The following ATP8B4 variants were observed in gnomAD, a reference collection of about 807,000 sequenced individuals.
The protein encoded by ATP8B4 is probable phospholipid-transporting ATPase IM.
A neutral mutation model predicts 145.6 loss-of-function variants in ATP8B4; 133 were observed. The observed-to-expected ratio is 0.91, with a 90% CI of 0.79 to 1.05. ATP8B4 has a LOEUF of 1.05. ATP8B4 is among the 50% of genes least tolerant of loss of function. The pLI, the probability that ATP8B4 is intolerant of heterozygous loss-of-function variation, is 0.00. For synonymous variants in ATP8B4, 507 were observed against 492.9 expected (o/e 1.03, Z -0.38); for missense variants, 1,458 against 1,425.2 (o/e 1.02, Z -0.37).
At chr15:50,030,742 T>C (rs1408490923) in intron 6 of ATP8B4, among the ~76,000 whole-genome samples, 2 of 152,180 alleles carry the variant, frequency 1.3e-5, no homozygotes, top group Admixed American at 1.3e-4. Flanking sequence ...CTGGGTCACA[T>C]AAACTTTAAA....
chr15:49,878,612 G>A (rs2034876530), intron 24 of ATP8B4, among the ~76,000 whole-genome samples: 1 of 152,242 alleles, frequency 6.6e-6, no homozygotes, highest in Non-Finnish European at 1.5e-5. Context: ...TTCCCCACAG[G>A]CAGCCAGACT....
At chr15:49,909,333 G>T (rs904130213) in intron 20 of ATP8B4, among the ~76,000 whole-genome samples, 3 of 152,142 alleles carry the variant, frequency 2.0e-5, no homozygotes, top group African/African-American at 7.2e-5. Flanking sequence ...TGGACCTGGG[G>T]AATGGCCTGA....
Position 49,864,542 on chromosome 15 carries a change from CCT to C in ATP8B4, c.3166+1802_3166+1803del, listed in dbSNP as rs550724394. Reference sequence around the variant, plus strand: ...ACCTCTGAGAAAGTATATTAATATCCCTCTTTTATAAAGCTCAGTGGCCTTTG... The same window carrying C: ...ACCTCTGAGAAAGTATATTAATATCCCTTTTATAAAGCTCAGTGGCCTTTG... On this transcript the variant is annotated intron_variant, in intron 26 of 27. Transcript: ENST00000284509. Among the ~76,000 whole-genome samples the C allele has an allele frequency of 1.5e-3, 231 of 152,182 alleles. 1 individual carries two copies. Among genetic ancestry groups the C allele is most frequent in the African/African-American group, 5.5e-3 (227 of 41,504 alleles).
chr15:49,965,072 A>G (rs1394234123), intron 13 of ATP8B4, among the ~76,000 whole-genome samples: 1 of 152,240 alleles, frequency 6.6e-6, no homozygotes, highest in Non-Finnish European at 1.5e-5. Context: ...TGATACTGAT[A>G]TAAGATTAAT....
At chr15:50,101,298 T>A (rs540894985) in intron 2 of ATP8B4, among the ~76,000 whole-genome samples, 1 of 152,150 alleles carries the variant, frequency 6.6e-6, no homozygotes, top group East Asian at 1.9e-4. Flanking sequence ...GCTGAAGTAT[T>A]TGGGGTAAGT....
intron 13 of ATP8B4, 91 bp downstream of exon 13, chr15:49,972,488 GACT>G: frequency 8.3e-7 from 1 of 1,207,218 alleles, no homozygotes; most frequent in Admixed American, 2.6e-5. Flanking sequence ...GAAAGCCAGC[GACT>G]GTTTTGGATT....
At position 50,045,971 on chromosome 15, in the gene ATP8B4, T is replaced by A. The variant is rs1018041213; in HGVS notation, c.202-1279A>T. Among the ~76,000 whole-genome samples the A allele has an allele frequency of 3.3e-5, 5 of 152,146 alleles. No homozygotes were observed. In the East Asian group the frequency reaches 5.8e-4, roughly 18 times the overall value. On this transcript the variant is annotated intron_variant, in intron 4 of 27. Coordinates refer to ENST00000284509, the MANE Select transcript of ATP8B4 (RefSeq NM_024837.4). ...GCTTTCTTCAACAAATAGTAAGATGTTTATTCATTGTTTGTTTTTGTTTTC... is the reference window on the plus strand; with the variant it reads ...GCTTTCTTCAACAAATAGTAAGATGATTATTCATTGTTTGTTTTTGTTTTC...
At chr15:49,922,443 A>C in intron 17 of ATP8B4, 1 of 432,998 alleles carries the variant, frequency 2.3e-6, no homozygotes, top group Non-Finnish European at 4.5e-6. Flanking sequence ...CTCTATTGGA[A>C]AGACAAAAAA....
chr15:50,054,783 CAAAAAAAAAAAAAA>C (rs55783703), intron 3 of ATP8B4, among the ~76,000 whole-genome samples: 6 of 81,874 alleles, frequency 7.3e-5, no homozygotes, highest in Non-Finnish European at 1.3e-4. Context: ...GACTCCGCCT[CAAAAAAAAAAAAAA>C]AAAAAAAAAA....
intron 3 of ATP8B4, among the ~76,000 whole-genome samples, chr15:50,056,003 G>T (rs905035336): frequency 6.6e-6 from 1 of 152,146 alleles, no homozygotes; most frequent in Non-Finnish European, 1.5e-5. Flanking sequence ...GCAATGGAAA[G>T]ACGACAGTGC....
chr15:50,097,727 T>C (rs1341899757), intron 2 of ATP8B4, among the ~76,000 whole-genome samples: 1 of 152,174 alleles, frequency 6.6e-6, no homozygotes, highest in Non-Finnish European at 1.5e-5. Flanking sequence ...CCTGTGTATA[T>C]AATGCTCATG....
At chr15:50,111,645 T>C (rs1288868339) in intron 1 of ATP8B4, among the ~76,000 whole-genome samples, 1 of 152,216 alleles carries the variant, frequency 6.6e-6, no homozygotes, top group Non-Finnish European at 1.5e-5. Context: ...GTTCTTGGAT[T>C]CCTGCTTTTT....
intron 2 of ATP8B4, among the ~76,000 whole-genome samples, chr15:50,097,619 C>T (rs1024179985): frequency 1.3e-5 from 2 of 152,142 alleles, no homozygotes; most frequent in Non-Finnish European, 2.9e-5. Flanking sequence ...AGTAAACAAC[C>T]CTTTTGAAAG....
intron 13 of ATP8B4, among the ~76,000 whole-genome samples, chr15:49,971,735 C>G (rs2045153055): frequency 6.6e-6 from 1 of 152,072 alleles, no homozygotes; most frequent in African/African-American, 2.4e-5. Context: ...GGATCTAAAC[C>G]AGAAATACCA....
chr15:49,951,972 G>A (rs993923946), intron 14 of ATP8B4, among the ~76,000 whole-genome samples: 3 of 152,102 alleles, frequency 2.0e-5, no homozygotes, highest in Non-Finnish European at 2.9e-5. Context: ...GGCTGGATAC[G>A]AAATCCTGGG....
At chr15:49,984,338 G>A (rs1300933173) in intron 10 of ATP8B4, among the ~76,000 whole-genome samples, 1 of 152,088 alleles carries the variant, frequency 6.6e-6, no homozygotes, top group Admixed American at 6.5e-5. Flanking sequence ...GATCCTAAAA[G>A]GAAATAGATG....
chr15:49,961,569 G>A (rs2044080340), intron 14 of ATP8B4, among the ~76,000 whole-genome samples: 1 of 151,872 alleles, frequency 6.6e-6, no homozygotes, highest in African/African-American at 2.4e-5. Context: ...TATAAATTTT[G>A]GAACATCAAT....
At chr15:50,142,902 T>C (rs1362097397) in intron 1 of ATP8B4, among the ~76,000 whole-genome samples, 1 of 152,182 alleles carries the variant, frequency 6.6e-6, no homozygotes, top group Non-Finnish European at 1.5e-5. Context: ...CTGCCTCTGT[T>C]TCTACTATCC....
chr15:49,916,465 TGTTTC>T (rs1407472227), intron 20 of ATP8B4, among the ~76,000 whole-genome samples: 2 of 152,198 alleles, frequency 1.3e-5, no homozygotes, highest in African/African-American at 4.8e-5. Context: ...TGTTTACAGC[TGTTTC>T]CCAAACTTAT....
Sources: gnomAD v4.1 joint callset for allele counts (sites outside exome capture counted in the v4.1 genomes callset) on GRCh38, gnomAD v4.1.1 for gene constraint, MANE v1.5 for transcripts, NCBI Gene and HGNC (gene_info 2026-07-23, HGNC 2026-07-21) for gene names.